The following CFAP54 variants were observed in gnomAD, a reference collection of about 807,000 sequenced individuals.
The protein encoded by CFAP54 is cilia and flagella associated protein 54.
CFAP54 carries 290 observed loss-of-function variants against 370.4 expected under a neutral mutation model. The observed-to-expected ratio is 0.78, with a 90% CI of 0.71 to 0.86. The LOEUF is 0.86. Among genes scored for constraint, CFAP54 ranks in the 40% least tolerant of loss-of-function variants. The pLI is 0.00. For synonymous variants in CFAP54, 1,206 were observed against 1,236.5 expected (o/e 0.98, Z 0.52); for missense variants, 3,399 against 3,528.7 (o/e 0.96, Z 0.93).
intron 66 of CFAP54, among the ~76,000 whole-genome samples, chr12:96,840,337 T>C (rs1231172183): frequency 1.3e-5 from 2 of 152,214 alleles, no homozygotes; most frequent in African/African-American, 4.8e-5. Context: ...ACCCTATTGA[T>C]GTGGAAGAGC....
At chr12:96,861,822 A>G (rs577293697) in intron 67 of CFAP54, among the ~76,000 whole-genome samples, 3 of 152,318 alleles carry the variant, frequency 2.0e-5, no homozygotes, top group African/African-American at 7.2e-5. Context: ...TTCCCTGCCA[A>G]ATTGGAAAAG....
Position 96,595,727 on chromosome 12 carries a change from G to A in CFAP54, c.3516+1281G>A, listed in dbSNP as rs1487843792. Among the ~76,000 whole-genome samples, 4 of 152,118 alleles carry A rather than the reference G, an allele frequency of 2.6e-5. No homozygotes were observed. In the East Asian group the frequency reaches 5.8e-4, roughly 22 times the overall value. On this transcript the variant is annotated intron_variant, in intron 25 of 67. Coordinates refer to ENST00000524981, the MANE Select transcript of CFAP54 (RefSeq NM_001306084.2). ...TAGTTGACAGCCTTCTGGGTCAGTT[G>A]TAAATAGATAGAGCATTTCTCTCAA...
intron 14 of CFAP54, among the ~76,000 whole-genome samples, chr12:96,542,553 C>T (rs1232731628): frequency 6.6e-6 from 1 of 152,090 alleles, no homozygotes; most frequent in African/African-American, 2.4e-5. Flanking sequence ...CAATAATTAT[C>T]AACATCTTTT....
intron 66 of CFAP54, among the ~76,000 whole-genome samples, chr12:96,853,576 TA>T (rs1349190438): frequency 2.0e-5 from 3 of 152,164 alleles, no homozygotes; most frequent in Admixed American, 6.5e-5. Context: ...ACTTTTTACT[TA>T]AAAGAATTGT....
rs1026700986 is a variant in CFAP54, at chr12:96,796,646, A to G, written c.8850+4147A>G. On this transcript the variant is annotated intron_variant, in intron 63 of 67. Transcript: ENST00000524981. ...TGTTAAACCAAGTTTTAAATGTTCT[A>G]TCATTTTTGTTTACAAGACATTTTG... Among the ~76,000 whole-genome samples the G allele has an allele frequency of 1.7e-4, 26 of 152,212 alleles. No individual in the cohort carries two copies. In the South Asian group the frequency reaches 3.3e-3, roughly 19 times the overall value.
At chr12:96,602,270 G>A (rs1215500670) in intron 26 of CFAP54, among the ~76,000 whole-genome samples, 1 of 152,196 alleles carries the variant, frequency 6.6e-6, no homozygotes, top group East Asian at 1.9e-4. Flanking sequence ...GCAATTTTGA[G>A]TGAGTTTCTT....
At chr12:96,505,263 C>T (rs1460472754) in intron 3 of CFAP54, among the ~76,000 whole-genome samples, 2 of 151,714 alleles carry the variant, frequency 1.3e-5, no homozygotes, top group Admixed American at 6.6e-5. Flanking sequence ...GGGGTTTCAC[C>T]ATGTCGGTCA....
At chr12:96,617,858 C>G (rs558761696) in intron 26 of CFAP54, among the ~76,000 whole-genome samples, 1 of 151,782 alleles carries the variant, frequency 6.6e-6, no homozygotes, top group South Asian at 2.1e-4. Flanking sequence ...GGCAAGGTGG[C>G]GGGCGCCTGT....
At chr12:96,837,282 T>C (rs1170796113) in intron 66 of CFAP54, among the ~76,000 whole-genome samples, 1 of 152,180 alleles carries the variant, frequency 6.6e-6, no homozygotes, top group African/African-American at 2.4e-5. Context: ...ACCTATATCT[T>C]ATCACCCCTC....
intron 67 of CFAP54, among the ~76,000 whole-genome samples, chr12:96,874,743 C>T (rs541035403): frequency 1.3e-5 from 2 of 150,532 alleles, no homozygotes; most frequent in Admixed American, 6.6e-5. Context: ...CATTCTCCTG[C>T]CTCAGCCTCC....
intron 56 of CFAP54, among the ~76,000 whole-genome samples, chr12:96,754,671 G>C (rs573893440): frequency 2.6e-5 from 4 of 152,110 alleles, no homozygotes; most frequent in African/African-American, 7.2e-5. Context: ...CATGAAAGCT[G>C]TGAATCCTTT....
chr12:96,671,340 C>CT (rs1268378730), intron 39 of CFAP54, among the ~76,000 whole-genome samples: 1 of 152,112 alleles, frequency 6.6e-6, no homozygotes, highest in Non-Finnish European at 1.5e-5. Flanking sequence ...CATATGTTTT[C>CT]TTTTTTTCTG....
chr12:96,552,333 T>C (rs1955703745), intron 15 of CFAP54, among the ~76,000 whole-genome samples: 1 of 151,706 alleles, frequency 6.6e-6, no homozygotes, highest in South Asian at 2.1e-4. Context: ...GCATATTTAG[T>C]AATAATAATC....
intron 45 of CFAP54, among the ~76,000 whole-genome samples, chr12:96,697,389 TC>T (rs1957448883): frequency 6.6e-6 from 1 of 152,172 alleles, no homozygotes. Flanking sequence ...TTTATGTGTC[TC>T]CCCTGAACCT....
intron 64 of CFAP54, among the ~76,000 whole-genome samples, chr12:96,815,056 T>C (rs1316016104): frequency 1.3e-5 from 2 of 152,188 alleles, no homozygotes; most frequent in African/African-American, 4.8e-5. Flanking sequence ...TTATGATCCT[T>C]TGGGTATATA....
At chr12:96,514,194 C>A (rs7308077) in intron 5 of CFAP54, among the ~76,000 whole-genome samples, 1 of 152,140 alleles carries the variant, frequency 6.6e-6, no homozygotes, top group African/African-American at 2.4e-5. Context: ...CAGAACCTTA[C>A]CCTGAATATT....
intron 8 of CFAP54, among the ~76,000 whole-genome samples, chr12:96,526,873 G>A (rs916268075): frequency 7.1e-6 from 1 of 140,718 alleles, no homozygotes; most frequent in Non-Finnish European, 1.5e-5. Context: ...ACTTTTCTTT[G>A]CCTTATAACA....
chr12:96,585,197 G>C (rs1412624045), intron 22 of CFAP54, among the ~76,000 whole-genome samples: 2 of 151,958 alleles, frequency 1.3e-5, no homozygotes, highest in Non-Finnish European at 2.9e-5. Flanking sequence ...GTCTCACTCT[G>C]TTGCCCAGGC....
chr12:96,847,687 A>G (rs1959399201), intron 66 of CFAP54, among the ~76,000 whole-genome samples: 1 of 152,354 alleles, frequency 6.6e-6, no homozygotes, highest in Admixed American at 6.5e-5. Flanking sequence ...ATGCATTCCA[A>G]TAAAGAGGCC....
Sources: allele counts gnomAD v4.1 joint callset (sites outside exome capture counted in the v4.1 genomes callset), GRCh38; gene constraint gnomAD v4.1.1; transcripts MANE v1.5; gene names NCBI Gene and HGNC (gene_info 2026-07-23, HGNC 2026-07-21).